CTNNA2: variants seen among roughly 807,000 people sequenced by gnomAD.
The protein encoded by CTNNA2 is catenin alpha 2, also known as catenin alpha-2.
A neutral mutation model predicts 101.0 loss-of-function variants in CTNNA2; 42 were observed. That is an observed-to-expected ratio of 0.42 (90% CI 0.32 to 0.54). The LOEUF is 0.54. Among genes scored for constraint, CTNNA2 ranks in the 20% least tolerant of loss-of-function variants. The pLI, the probability that CTNNA2 is intolerant of heterozygous loss-of-function variation, is 0.14. For missense variants in CTNNA2, 871 were observed against 1,223.1 expected, an observed-to-expected ratio of 0.71 and a Z score of 4.29; for synonymous variants, 450 against 456.4, an observed-to-expected ratio of 0.99 and a Z score of 0.18.
intron 1 of CTNNA2, among the ~76,000 whole-genome samples, chr2:79,625,119 G>T (rs542714548): frequency 6.6e-6 from 1 of 152,156 alleles, no homozygotes; most frequent in East Asian, 1.9e-4. Context: ...ATAATTTTTT[G>T]AATAAAATCT....
At chr2:79,611,023 A>G (rs1006353515) in intron 1 of CTNNA2, among the ~76,000 whole-genome samples, 5 of 152,162 alleles carry the variant, frequency 3.3e-5, no homozygotes, top group Non-Finnish European at 5.9e-5. Flanking sequence ...TATGTAGTAA[A>G]CCATCTGTAC....
rs914355106 is a variant in CTNNA2, at chr2:79,937,384, G to A, written c.1056+27587G>A. 4.5e-4 allele frequency among the ~76,000 whole-genome samples: 69 copies of A among 152,290 alleles called. 1 individual carries two copies. Among genetic ancestry groups the A allele is most frequent in the East Asian group, 7.7e-4 (4 of 5,188 alleles). On this transcript the variant is annotated intron_variant, in intron 7 of 18. Coordinates refer to ENST00000402739, the MANE Select transcript of CTNNA2 (RefSeq NM_001282597.3). ...TGCTCATAAGATGGGGCCAGTCTAC[G>A]TGACGTGGAAGACAATCCATCGTTT...
Position 80,357,941 on chromosome 2 carries a change from G to A in CTNNA2, c.1057-35270G>A, listed in dbSNP as rs570467031. ...TAGAACATGAGAGGGTAGAGGTGGC[G>A]CTTATCTTTGCATGTGACACTCAAA... is the stretch of plus-strand genomic sequence containing the variant. On this transcript the variant is annotated intron_variant, in intron 7 of 18. Coordinates refer to ENST00000402739, the MANE Select transcript of CTNNA2 (RefSeq NM_001282597.3). 5.3e-5 allele frequency among the ~76,000 whole-genome samples: 8 copies of A among 152,174 alleles called. No individual in the cohort carries two copies. The East Asian group carries it at 1.2e-3, about 22-fold the overall frequency.
chr2:79,946,034 A>G (rs1688470093), intron 7 of CTNNA2, among the ~76,000 whole-genome samples: 1 of 152,196 alleles, frequency 6.6e-6, no homozygotes, highest in Non-Finnish European at 1.5e-5. Flanking sequence ...TGAAAAGGTA[A>G]GAAAGAATAT....
At chr2:80,587,489 C>T (rs950277161) in intron 14 of CTNNA2, among the ~76,000 whole-genome samples, 4 of 152,132 alleles carry the variant, frequency 2.6e-5, no homozygotes, top group African/African-American at 9.7e-5. Context: ...CCCACCATCA[C>T]CTTTTGAGGT....
chr2:79,344,454 C>T (rs1677209893), intron 3 of CTNNA2, among the ~76,000 whole-genome samples: 7 of 152,156 alleles, frequency 4.6e-5, no homozygotes, highest in Admixed American at 4.6e-4. Flanking sequence ...TGATTCCCCA[C>T]CCCCTTTGGA....
At chr2:80,593,656 C>A (rs1033953518) in intron 15 of CTNNA2, among the ~76,000 whole-genome samples, 2 of 152,116 alleles carry the variant, frequency 1.3e-5, no homozygotes, top group Non-Finnish European at 2.9e-5. Context: ...AATGTAAACT[C>A]CCCATCTGCC....
At chr2:80,117,455 AGTGTGTGT>A (rs59521287) in intron 7 of CTNNA2, among the ~76,000 whole-genome samples, 4 of 145,880 alleles carry the variant, frequency 2.7e-5, no homozygotes, top group Non-Finnish European at 4.5e-5. Context: ...TTCCTGTGTG[AGTGTGTGT>A]GTGTGTGTGT....
chr2:79,443,399 C>CA (rs1678797573), intron 4 of CTNNA2, among the ~76,000 whole-genome samples: 1 of 151,464 alleles, frequency 6.6e-6, no homozygotes, highest in Non-Finnish European at 1.5e-5. Context: ...CCTTCCTCCA[C>CA]TTTTTTTTTC....
chr2:79,900,579 C>T (rs1053839790), intron 6 of CTNNA2, among the ~76,000 whole-genome samples: 3 of 152,080 alleles, frequency 2.0e-5, no homozygotes, highest in Non-Finnish European at 2.9e-5. Flanking sequence ...TCGGTACCTG[C>T]GACTACATGG....
At chr2:79,994,561 C>A (rs113283177) in intron 7 of CTNNA2, among the ~76,000 whole-genome samples, 3,417 of 151,708 alleles carry the variant, frequency 0.023, 48 homozygotes, top group Middle Eastern at 0.065. Context: ...TTAAGGCAGG[C>A]ACTGCTAGGT....
At chr2:80,189,754 A>AC (rs888113369) in intron 7 of CTNNA2, among the ~76,000 whole-genome samples, 3 of 152,064 alleles carry the variant, frequency 2.0e-5, no homozygotes, top group Admixed American at 6.5e-5. Flanking sequence ...CAGTTAAAAA[A>AC]AAAACAAAAC....
chr2:79,253,132 TG>T (rs1240297890), intron 2 of CTNNA2, among the ~76,000 whole-genome samples: 1 of 152,186 alleles, frequency 6.6e-6, no homozygotes, highest in African/African-American at 2.4e-5. Flanking sequence ...TGAACAAAGG[TG>T]GCTAGTCAGA....
At position 80,484,024 on chromosome 2, in the gene CTNNA2, G is replaced by A. The variant is rs976104808; in HGVS notation, c.1291-60958G>A. Among the ~76,000 whole-genome samples, 4 of 152,068 alleles carry A rather than the reference G, an allele frequency of 2.6e-5. No homozygotes were observed. The Middle Eastern group carries it at 0.01, about 388-fold the overall frequency. On this transcript the variant is annotated intron_variant, in intron 9 of 18. Coordinates refer to ENST00000402739, the MANE Select transcript of CTNNA2 (RefSeq NM_001282597.3). ...AATTATTATGAGATGATGTTCTTTG[G>A]GCTGTCAGTTATGCTGTATAAAAAG...
At chr2:79,965,827 C>CAAAAAAAAAAAAAA (rs10686940) in intron 7 of CTNNA2, among the ~76,000 whole-genome samples, 3 of 77,990 alleles carry the variant, frequency 3.8e-5, no homozygotes, top group African/African-American at 1.1e-4. Context: ...GAGACTATGT[C>CAAAAAAAAAAAAAA]AAAAAAAAAA....
intron 4 of CTNNA2, among the ~76,000 whole-genome samples, chr2:79,378,376 T>G (rs141485113): frequency 6.6e-6 from 1 of 152,252 alleles, no homozygotes; most frequent in African/African-American, 2.4e-5. Context: ...ATTGTGTAAA[T>G]AAATATACAT....
intron 7 of CTNNA2, among the ~76,000 whole-genome samples, chr2:79,999,638 A>G (rs181620468): frequency 4.6e-5 from 7 of 152,282 alleles, no homozygotes; most frequent in Admixed American, 3.3e-4. Context: ...GGCATTGTTC[A>G]TCTACTCAGC....
At chr2:79,238,702 G>A (rs1157743736) in intron 2 of CTNNA2, among the ~76,000 whole-genome samples, 3 of 152,132 alleles carry the variant, frequency 2.0e-5, no homozygotes, top group Non-Finnish European at 4.4e-5. Context: ...GAATGTCTAT[G>A]ATGTAATGAT....
At chr2:80,619,445 G>A (rs1670868481) in intron 18 of CTNNA2, among the ~76,000 whole-genome samples, 1 of 151,788 alleles carries the variant, frequency 6.6e-6, no homozygotes, top group Admixed American at 6.6e-5. Context: ...AAGTGAAAAA[G>A]GTATTTTTAT....
Sources: gnomAD v4.1 joint callset for allele counts (sites outside exome capture counted in the v4.1 genomes callset) on GRCh38, gnomAD v4.1.1 for gene constraint, MANE v1.5 for transcripts, NCBI Gene and HGNC (gene_info 2026-07-23, HGNC 2026-07-21) for gene names.